MB21D2: variants seen among roughly 807,000 people sequenced by gnomAD.
MB21D2 encodes the protein nucleotidyltransferase MB21D2.
In MB21D2, 9 loss-of-function variants were observed where a neutral mutation model predicts 33.3. The ratio of observed to expected loss-of-function variants is 0.27; its 90% CI spans 0.16 to 0.47. MB21D2 has a LOEUF of 0.47. MB21D2 is among the 20% of genes least tolerant of loss of function. The pLI, the probability that MB21D2 is intolerant of heterozygous loss-of-function variation, is 0.99. For missense variants in MB21D2, 540 were observed against 624.6 expected, an observed-to-expected ratio of 0.86 and a Z score of 1.44; for synonymous variants, 241 against 236.3, an observed-to-expected ratio of 1.02 and a Z score of -0.18.
intron 1 of MB21D2, among the ~76,000 whole-genome samples, chr3:192,810,882 T>TGC (rs1491523705): frequency 2.3e-4 from 8 of 34,942 alleles, no homozygotes; most frequent in African/African-American, 9.0e-4. Flanking sequence ...TGAGTATGCT[T>TGC]GTGTGTGTGT....
intron 1 of MB21D2, among the ~76,000 whole-genome samples, chr3:192,866,447 G>A (rs1713170658): frequency 1.3e-5 from 2 of 152,112 alleles, no homozygotes; most frequent in South Asian, 2.1e-4. Context: ...ATCAAAGAAT[G>A]TTACATTTAA....
chr3:192,891,766 T>A (rs943026493), intron 1 of MB21D2, among the ~76,000 whole-genome samples: 1 of 152,132 alleles, frequency 6.6e-6, no homozygotes, highest in African/African-American at 2.4e-5. Context: ...CTGTAAAATG[T>A]GTCGGCACAG....
chr3:192,896,219 A>G (rs1166651816), intron 1 of MB21D2, among the ~76,000 whole-genome samples: 1 of 152,222 alleles, frequency 6.6e-6, no homozygotes, highest in Non-Finnish European at 1.5e-5. Context: ...AATGACAAGG[A>G]AACTAACGTT....
intron 1 of MB21D2, among the ~76,000 whole-genome samples, chr3:192,835,838 T>TG (rs987695460): frequency 2.5e-4 from 38 of 149,892 alleles, no homozygotes; most frequent in African/African-American, 5.4e-4. Context: ...GAAGAAAGAT[T>TG]GGGGGAAAAA....
At chr3:192,808,759 C>G (rs1711718765) in intron 1 of MB21D2, among the ~76,000 whole-genome samples, 1 of 152,178 alleles carries the variant, frequency 6.6e-6, no homozygotes, top group Non-Finnish European at 1.5e-5. Context: ...TGTAAGAAGA[C>G]CATAATCTGA....
Position 192,851,243 on chromosome 3 carries a change from G to C in MB21D2, c.212-51593C>G, listed in dbSNP as rs530773734. Among the ~76,000 whole-genome samples, 3 of 152,122 alleles carry C rather than the reference G, an allele frequency of 2.0e-5. No homozygotes were observed. In the South Asian group the frequency reaches 6.2e-4, roughly 32 times the overall value. On this transcript the variant is annotated intron_variant, in intron 1 of 1. Coordinates refer to ENST00000392452, the MANE Select transcript of MB21D2 (RefSeq NM_178496.4). The stretch of plus-strand genomic sequence containing the variant: ...AAAAACATTATGCTAAGTCAAAAAA[G>C]CCAGACACAAAAGGCCACCTATTAT...
At chr3:192,890,067 A>T (rs1263659436) in intron 1 of MB21D2, among the ~76,000 whole-genome samples, 1 of 152,052 alleles carries the variant, frequency 6.6e-6, no homozygotes, top group African/African-American at 2.4e-5. Flanking sequence ...ACCTTTATTT[A>T]TTCCCAGAAT....
intron 1 of MB21D2, among the ~76,000 whole-genome samples, chr3:192,850,835 C>A (rs1712785062): frequency 6.6e-6 from 1 of 152,222 alleles, no homozygotes; most frequent in Non-Finnish European, 1.5e-5. Context: ...AGCTACTGAA[C>A]TCCACAGTCA....
intron 1 of MB21D2, among the ~76,000 whole-genome samples, chr3:192,897,743 G>A (rs779705827): frequency 1.3e-5 from 2 of 152,256 alleles, no homozygotes; most frequent in Non-Finnish European, 2.9e-5. Flanking sequence ...TGTAAACCCA[G>A]CACTTTGAGA....
At chr3:192,897,111 C>T (rs549398602) in intron 1 of MB21D2, among the ~76,000 whole-genome samples, 2 of 152,068 alleles carry the variant, frequency 1.3e-5, no homozygotes, top group East Asian at 3.9e-4. Flanking sequence ...AACAATTTTC[C>T]CTCGGTAGAT....
intron 1 of MB21D2, among the ~76,000 whole-genome samples, chr3:192,865,120 G>A (rs1372858078): frequency 1.3e-5 from 2 of 152,224 alleles, no homozygotes; most frequent in Non-Finnish European, 2.9e-5. Context: ...GGAGCATGAG[G>A]ATGTCAGTGT....
chr3:192,917,626 T>A lies in MB21D2; in HGVS notation c.211+4A>T. 1 of 1,614,034 alleles carries A rather than the reference T, an allele frequency of 6.2e-7. No individual in the cohort carries two copies. The highest frequency in any genetic ancestry group is 8.5e-7 in the Non-Finnish European group (1 of 1,179,988). ...ACACACACCTCCCCCTTTTTCCTCC[T>A]TACCCAGCATGGAAAAGATGAAATC... is the stretch of plus-strand genomic sequence containing the variant. On this transcript the variant is annotated splice_donor_region_variant and intron_variant, in intron 1 of 1. Coordinates refer to ENST00000392452, the MANE Select transcript of MB21D2 (RefSeq NM_178496.4).
At chr3:192,884,835 T>A (rs1302281401) in intron 1 of MB21D2, among the ~76,000 whole-genome samples, 1 of 152,046 alleles carries the variant, frequency 6.6e-6, no homozygotes, top group African/African-American at 2.4e-5. Context: ...AGGAGCCCAA[T>A]AAATATCTGA....
At chr3:192,801,448 C>A (rs147479080) in intron 1 of MB21D2, among the ~76,000 whole-genome samples, 26 of 152,312 alleles carry the variant, frequency 1.7e-4, no homozygotes, top group Non-Finnish European at 3.2e-4. Context: ...TTGTTATACT[C>A]TGAACGTTCG....
chr3:192,865,798 C>T (rs556183977), intron 1 of MB21D2, among the ~76,000 whole-genome samples: 13 of 152,240 alleles, frequency 8.5e-5, no homozygotes, highest in African/African-American at 3.1e-4. Context: ...GTAATCTCAG[C>T]ACTTTGGGAG....
intron 1 of MB21D2, among the ~76,000 whole-genome samples, chr3:192,818,525 T>A (rs930964986): frequency 1.7e-4 from 26 of 152,376 alleles, no homozygotes; most frequent in Middle Eastern, 3.4e-3. Context: ...TCAGAAAGTA[T>A]GTGGCTTTTC....
intron 1 of MB21D2, among the ~76,000 whole-genome samples, chr3:192,912,844 G>A (rs1714384543): frequency 6.6e-6 from 1 of 152,172 alleles, no homozygotes; most frequent in East Asian, 1.9e-4. Context: ...AACTCTGAAT[G>A]ATCTTGGCCT....
chr3:192,834,353 AAAC>A (rs1352954722), intron 1 of MB21D2, among the ~76,000 whole-genome samples: 91 of 151,764 alleles, frequency 6.0e-4, no homozygotes, highest in African/African-American at 2.1e-3. Flanking sequence ...ACAAACAAAA[AAAC>A]CCAAATCCAG....
chr3:192,799,522 A>C lies in MB21D2; in HGVS notation c.340T>G (p.Tyr114Asp). Residue 114 changes from tyrosine (Y) to aspartate (D), a missense_variant, in exon 2 of 2, where the codon TAT becomes GAT. Tyr to Asp is a radical substitution (Grantham distance 160). Transcript: ENST00000392452. The surrounding 1 kb of genome is among the most constrained non-coding windows in gnomAD (Gnocchi z 4.1). ...ELNVYARGTD[Y>D]DMDFTLLVPA... ...ACCAAGAGGGTAAAGTCCATATCAT[A>C]GTCAGTACCCCGGGCATAGACATTA... 1 of 1,614,234 alleles carries C rather than the reference A, an allele frequency of 6.2e-7. No homozygotes were observed. The highest frequency in any genetic ancestry group is 1.1e-5 in the South Asian group (1 of 91,084).
Sources: gnomAD v4.1 joint callset for allele counts (sites outside exome capture counted in the v4.1 genomes callset) on GRCh38, gnomAD v4.1.1 for gene constraint, Gnocchi (gnomAD v3.1) non-coding constraint, MANE v1.5 for transcripts, NCBI Gene and HGNC (gene_info 2026-07-23, HGNC 2026-07-21) for gene names.